Variants in SETX observed in about 807,000 individuals in gnomAD.
SETX encodes senataxin.
Under a neutral mutation model 227.2 loss-of-function variants are expected in SETX, and 90 were observed. The observed-to-expected ratio is 0.40, with a 90% CI of 0.33 to 0.47. SETX has a LOEUF of 0.47. SETX is among the 20% of genes least tolerant of loss of function. The pLI is 0.91. For missense variants in SETX, 3,052 were observed against 3,181.5 expected (o/e 0.96, Z 0.98); for synonymous variants, 1,210 against 1,113.2 (o/e 1.09, Z -1.73).
Position 132,264,621 on chromosome 9 carries a change from C to T in SETX, c.7652G>A (p.Gly2551Glu). Residue 2551 changes from glycine to glutamate, a missense_variant, in exon 26 of 26, where the codon GGA becomes GAA. Transcript: ENST00000224140. ...LLKRMGIEVKGGIFLWDPQPS... is the reference protein window; with the variant it reads ...LLKRMGIEVKEGIFLWDPQPS... The stretch of plus-strand genomic sequence containing the variant: ...TTGTGGATCCCAAAGGAATATTCCT[C>T]CTTTGACCTCAATGCCCATCCTCTT... 1.2e-6 allele frequency: 2 copies of T among 1,614,190 alleles called. No individual in the cohort carries two copies. Among genetic ancestry groups the T allele is most frequent in the Non-Finnish European group, 1.7e-6 (2 of 1,180,030 alleles).
Position 132,295,993 on chromosome 9 carries a change from A to G in SETX, c.5985T>C (p.Asn1995=). 6.2e-7 allele frequency: 1 copy of G among 1,614,166 alleles called. No homozygotes were observed. The highest frequency in any genetic ancestry group is 8.5e-7 in the Non-Finnish European group (1 of 1,180,024). Residue 1995 remains asparagine, a synonymous_variant, in exon 15 of 26, where the codon AAT becomes AAC. Transcript: ENST00000224140. ...GGACACGGTTTTGTTTGATTTTGGCATTGGAGTTTTCGTCTGAATGCCCCT... is the reference window on the plus strand; with the variant it reads ...GGACACGGTTTTGTTTGATTTTGGCGTTGGAGTTTTCGTCTGAATGCCCCT... ...QRKGHSDENS[N]AKIKQNRVLV...
chr9:132,272,162 G>T (rs541807876), intron 23 of SETX, among the ~76,000 whole-genome samples: 1 of 151,848 alleles, frequency 6.6e-6, no homozygotes, highest in African/African-American at 2.4e-5. Flanking sequence ...GAGCCACCGC[G>T]TCCGGCTTAG....
intron 15 of SETX, among the ~76,000 whole-genome samples, chr9:132,290,498 C>T (rs1844224616): frequency 6.8e-6 from 1 of 146,892 alleles, no homozygotes; most frequent in Non-Finnish European, 1.5e-5. Flanking sequence ...CTGCTTGAAC[C>T]CAGAAGGTGG....
intron 2 of SETX, among the ~76,000 whole-genome samples, chr9:132,349,957 G>A (rs1371793143): frequency 2.0e-5 from 3 of 152,142 alleles, no homozygotes; most frequent in Non-Finnish European, 4.4e-5. Context: ...AGTACATAAA[G>A]AGAGACACAA....
chr9:132,272,378 G>A (rs541220318), intron 23 of SETX, among the ~76,000 whole-genome samples: 26 of 152,006 alleles, frequency 1.7e-4, no homozygotes, highest in Non-Finnish European at 3.7e-4. Flanking sequence ...CAAACCCCTG[G>A]CCCCAAGCAA....
Position 132,328,236 on chromosome 9 carries a change from T to G in SETX, c.3362A>C (p.Gln1121Pro). Reference sequence around the variant, plus strand: ...TTCAGATACATAATCTGTACAACCCTGACCATTTGTAGTATTGGCTATAGG... The same window carrying G: ...TTCAGATACATAATCTGTACAACCCGGACCATTTGTAGTATTGGCTATAGG... ...LAPIANTTNG[Q>P]GCTDYVSEVV... The change falls in exon 10 of 26, where the codon CAG becomes CCG. Residue 1121 changes from glutamine (Q) to proline (P), a missense_variant. Gln to Pro is a moderately conservative substitution (Grantham distance 76). Transcript: ENST00000224140. The G allele has an allele frequency of 6.2e-7, 1 of 1,614,152 alleles. No individual in the cohort carries two copies. Among genetic ancestry groups the G allele is most frequent in the Non-Finnish European group, 8.5e-7 (1 of 1,180,014 alleles).
chr9:132,270,979 C>T (rs563242855), intron 24 of SETX, among the ~76,000 whole-genome samples: 1 of 152,300 alleles, frequency 6.6e-6, no homozygotes, highest in Admixed American at 6.5e-5. Flanking sequence ...TGAAAACGAA[C>T]TAATTTATAA....
chr9:132,271,888 G>A, intron 23 of SETX, 80 bp from the exon 24 acceptor site: 1 of 1,074,210 alleles, frequency 9.3e-7, no homozygotes, highest in Non-Finnish European at 1.3e-6. Flanking sequence ...TAGTTTTTTG[G>A]TTTTTTTTTT....
At chr9:132,300,130 C>CAAAAAAAAAAAAA (rs72582907) in intron 12 of SETX, among the ~76,000 whole-genome samples, 1 of 47,206 alleles carries the variant, frequency 2.1e-5, no homozygotes, top group Non-Finnish European at 4.5e-5. Context: ...AACTCCGTCT[C>CAAAAAAAAAAAAA]AAAAAAAAAA....
chr9:132,305,419 T>A (rs566002745), intron 11 of SETX, among the ~76,000 whole-genome samples: 14 of 149,498 alleles, frequency 9.4e-5, no homozygotes, highest in South Asian at 4.3e-4. Flanking sequence ...TAAAAAAAAT[T>A]TTTTTTTAAA....
Position 132,291,526 on chromosome 9 carries a change from C to T in SETX, c.6107-2875G>A, listed in dbSNP as rs577040469. Reference sequence around the variant, plus strand: ...AAGGTAGATGAGATTACCTGGAAACCCACCTACTATAAGCACCCAGAAATG... The same window carrying T: ...AAGGTAGATGAGATTACCTGGAAACTCACCTACTATAAGCACCCAGAAATG... On this transcript the variant is annotated intron_variant, in intron 15 of 25. Transcript: ENST00000224140. 3.9e-5 allele frequency among the ~76,000 whole-genome samples: 6 copies of T among 152,208 alleles called. No individual in the cohort carries two copies. In the East Asian group the frequency reaches 1.2e-3, roughly 29 times the overall value.
At chr9:132,333,930 C>T (rs1052437254) in intron 7 of SETX, among the ~76,000 whole-genome samples, 2 of 151,950 alleles carry the variant, frequency 1.3e-5, no homozygotes, top group Non-Finnish European at 2.9e-5. Flanking sequence ...TTTTAATAAT[C>T]ACATGTGGCT....
intron 24 of SETX, among the ~76,000 whole-genome samples, chr9:132,270,225 C>G (rs75553397): frequency 4.8e-4 from 55 of 114,722 alleles, no homozygotes; most frequent in South Asian, 1.2e-3. Context: ...GTGGACTCTA[C>G]AATGACTCAG....
In SETX at chr9:132,326,977, A is replaced by G. The variant is rs756200614; in HGVS notation, c.4621T>C (p.Leu1541=). Residue 1541 remains leucine (L), a synonymous_variant, in exon 10 of 26, where the codon TTG becomes CTG. Transcript: ENST00000224140. ...VEEDSVSRPQ[L]ESLSGTKCKY... ...CACTTTGTGCCACTCAAAGATTCCA[A>G]CTGAGGCCGACTTACAGAATCTTCT... 1 of 1,614,238 alleles carries G rather than the reference A, an allele frequency of 6.2e-7. No homozygotes were observed. Among genetic ancestry groups the G allele is most frequent in the South Asian group, 1.1e-5 (1 of 91,084 alleles).
At chr9:132,297,149 A>G (rs1844720586) in intron 13 of SETX, 95 bp from the exon 14 acceptor site, 1 of 1,040,450 alleles carries the variant, frequency 9.6e-7, no homozygotes, top group African/African-American at 1.6e-5. Context: ...ATTTCTTTCA[A>G]TGCATGAGAC....
At chr9:132,269,141 C>T (rs999870927) in intron 25 of SETX, among the ~76,000 whole-genome samples, 1 of 152,224 alleles carries the variant, frequency 6.6e-6, no homozygotes, top group African/African-American at 2.4e-5. Context: ...TCCAGAGGGG[C>T]GCCTGTCCTG....
chr9:132,265,119 T>C, intron 25 of SETX, 134 bp from the exon 26 acceptor site: 1 of 1,099,724 alleles, frequency 9.1e-7, no homozygotes, highest in East Asian at 2.6e-5. Flanking sequence ...TCATTACTCG[T>C]CAGACAAGGA....
At chr9:132,306,270 T>C (rs559307453) in intron 11 of SETX, among the ~76,000 whole-genome samples, 17 of 152,304 alleles carry the variant, frequency 1.1e-4, no homozygotes, top group Admixed American at 1.1e-3. Flanking sequence ...TGGAGTGCAA[T>C]GGCGCAATCT....
intron 11 of SETX, among the ~76,000 whole-genome samples, chr9:132,302,672 AAAAAAAAGC>A (rs1475318613): frequency 7.6e-6 from 1 of 131,574 alleles, no homozygotes; most frequent in Non-Finnish European, 1.5e-5. Context: ...AAAAAAAAAA[AAAAAAAAGC>A]AAAAAAAAAA....
Sources: allele counts gnomAD v4.1 joint callset (sites outside exome capture counted in the v4.1 genomes callset), GRCh38; gene constraint gnomAD v4.1.1; transcripts MANE v1.5; gene names NCBI Gene and HGNC (gene_info 2026-07-23, HGNC 2026-07-21).